ZNF195: variants seen among roughly 807,000 people sequenced by gnomAD.
The protein encoded by ZNF195 is zinc finger protein 195, also known as hypoxia-regulated factor-1.
A neutral mutation model predicts 19.5 loss-of-function variants in ZNF195; 11 were observed. The ratio of observed to expected loss-of-function variants is 0.57; its 90% CI spans 0.36 to 0.94. ZNF195 has a LOEUF of 0.94. Among genes scored for constraint, ZNF195 ranks in the 40% least tolerant of loss-of-function variants. The pLI is 0.01. For missense variants in ZNF195, 582 were observed against 709.0 expected (o/e 0.82, Z 2.03); for synonymous variants, 214 against 248.1 (o/e 0.86, Z 1.29).
chr11:3,372,978 CCCACCTAGG>C (rs1401736955), intron 1 of ZNF195, among the ~76,000 whole-genome samples: 2 of 152,238 alleles, frequency 1.3e-5, no homozygotes, highest in African/African-American at 2.4e-5. Flanking sequence ...AAGCGATCTG[CCCACCTAGG>C]CCTCCCAAAG....
chr11:3,371,270 A>G (rs752779244), intron 2 of ZNF195, 200 bp from the exon 3 acceptor site: 12 of 658,236 alleles, frequency 1.8e-5, no homozygotes, highest in East Asian at 2.8e-5. Context: ...TACTGCTGAC[A>G]TAAAAAATTG....
chr11:3,360,843 C>A, intron 4 of ZNF195, 55 bp from the exon 5 acceptor site: 1 of 1,463,402 alleles, frequency 6.8e-7, no homozygotes, highest in South Asian at 1.2e-5. Flanking sequence ...CTGCAGCCCC[C>A]GCTCCTCCGC....
chr11:3,370,350 A>G (rs940416606), intron 3 of ZNF195, among the ~76,000 whole-genome samples: 13 of 152,220 alleles, frequency 8.5e-5, no homozygotes, highest in African/African-American at 3.1e-4. Flanking sequence ...TAGGGAATAT[A>G]AAGTTTAAAT....
chr11:3,359,710 G>T lies in ZNF195; in HGVS notation c.1298C>A (p.Thr433Asn). Residue 433 changes from threonine to asparagine, a missense_variant, in exon 6 of 6, where the codon ACT becomes AAT. Physicochemically the swap from Thr to Asn is moderately conservative, Grantham distance 65. Around this residue, in one of 3 missense-constraint regions of ZNF195, gnomAD observed 407 missense variants for 530.5 expected, o/e 0.77. Coordinates refer to ENST00000399602, the MANE Select transcript of ZNF195 (RefSeq NM_001130520.3). The surrounding 1 kb of genome is among the most constrained non-coding windows in gnomAD (Gnocchi z 5.5). ...GTCACATTTGTATGGTTTCTCACCA[G>T]TGTGAATTCTCTTATGTTTAGTAAG... ...SDLTKHKRIH[T>N]GEKPYKCDEC... 1 of 1,614,132 alleles carries T rather than the reference G, an allele frequency of 6.2e-7. No individual in the cohort carries two copies. Among genetic ancestry groups the T allele is most frequent in the Non-Finnish European group, 8.5e-7 (1 of 1,179,948 alleles).
chr11:3,375,619 C>G (rs747099324), intron 1 of ZNF195: 4 of 152,150 alleles, frequency 2.6e-5, no homozygotes, highest in African/African-American at 7.2e-5. Context: ...GGAAAAGTTT[C>G]TGGCTTGCGG....
chr11:3,361,714 A>C lies in ZNF195; in HGVS notation c.373+29T>G, dbSNP rs777260930. On this transcript the variant is annotated intron_variant, in intron 4 of 5. Coordinates refer to ENST00000399602, the MANE Select transcript of ZNF195 (RefSeq NM_001130520.3). ...AAGAATCCTGAAAGCAGCAAGTGAAAAGCAAGGTACATGCTCTTAGGAGAT... is the reference window on the plus strand; with the variant it reads ...AAGAATCCTGAAAGCAGCAAGTGAACAGCAAGGTACATGCTCTTAGGAGAT... 7 of 1,299,280 alleles carry C rather than the reference A, an allele frequency of 5.4e-6. No individual in the cohort carries two copies. In the South Asian group the frequency reaches 7.5e-5, roughly 14 times the overall value. 80.5% of individuals were successfully genotyped at this position (1,299,280 alleles called of 1,614,324 possible). A position where few individuals can be genotyped will look rare whatever the true frequency, so the allele number is the denominator to read the frequency against.
intron 1 of ZNF195, among the ~76,000 whole-genome samples, chr11:3,377,439 A>G (rs1359056860): frequency 3.3e-5 from 5 of 152,278 alleles, no homozygotes; most frequent in African/African-American, 1.2e-4. Flanking sequence ...CACGGGGTGG[A>G]GTTTTTCTTG....
In ZNF195 at chr11:3,359,977, T is replaced by A; in HGVS notation, c.1031A>T (p.Glu344Val). 2.5e-6 allele frequency: 4 copies of A among 1,614,164 alleles called. No individual in the cohort carries two copies. In the South Asian group the frequency reaches 4.4e-5, roughly 18 times the overall value. The change falls in exon 6 of 6, where the codon GAA becomes GTA. Residue 344 changes from glutamate (E) to valine (V), a missense_variant. Glu to Val is a moderately radical substitution (Grantham distance 121). Coordinates refer to ENST00000399602, the MANE Select transcript of ZNF195 (RefSeq NM_001130520.3). This position sits in a 1 kb window ranked among gnomAD's most constrained non-coding sequence, Gnocchi z 5.5. Reference sequence around the variant, plus strand: ...TTTTTCCTCAGTACCATGCTCATGTTCAGTAAGGTGGGAGCACTGGTTAAA... The same window carrying A: ...TTTTTCCTCAGTACCATGCTCATGTACAGTAAGGTGGGAGCACTGGTTAAA... ...KVFNQCSHLT[E>V]HEHGTEEKPC...
At chr11:3,364,124 A>C (rs984468452) in intron 3 of ZNF195, among the ~76,000 whole-genome samples, 3 of 152,228 alleles carry the variant, frequency 2.0e-5, no homozygotes, top group Admixed American at 2.0e-4. Context: ...AAAATAAATA[A>C]AAAGATGAGG....
At chr11:3,377,698 C>T (rs1849533902) in intron 1 of ZNF195, 1 of 1,155,252 alleles carries the variant, frequency 8.7e-7, no homozygotes. Context: ...CACTTCATAC[C>T]TCAGGCTGTC....
At position 3,360,193 on chromosome 11, in the gene ZNF195, TG is replaced by T; in HGVS notation, c.814del (p.Gln272LysfsTer103). ...GGTTTTGCCACATTCTCCACATTTTTGGAATTTTTTTCCAGTGTGAATTTTC... is the reference window on the plus strand; with the variant it reads ...GGTTTTGCCACATTCTCCACATTTTTGAATTTTTTTCCAGTGTGAATTTTC... ...HQKIHTGKKFQKCGECGKTFI... is the reference protein window; with the variant it reads ...HQKIHTGKKFXKCGECGKTFI... On this transcript the variant is annotated frameshift_variant, in exon 6 of 6. Transcript: ENST00000399602. LOFTEE classifies it low-confidence loss of function (END_TRUNC). The T allele has an allele frequency of 6.2e-7, 1 of 1,613,996 alleles. No homozygotes were observed. Among genetic ancestry groups the T allele is most frequent in the Non-Finnish European group, 8.5e-7 (1 of 1,179,930 alleles).
In ZNF195 at chr11:3,358,320, A is replaced by C. The variant is rs1268130077; in HGVS notation, c.*798T>G. The stretch of plus-strand genomic sequence containing the variant: ...ACGGTCTGATCAGGGTGACCCTAAC[A>C]GAAGAGTATTATTCTAAACACCTAT... On this transcript the variant is annotated 3_prime_UTR_variant, in exon 6 of 6. Transcript: ENST00000399602. 6.6e-6 allele frequency: 1 copy of C among 152,196 alleles called. No homozygotes were observed. Among genetic ancestry groups the C allele is most frequent in the Non-Finnish European group, 1.5e-5 (1 of 68,038 alleles). The allele number at this position is 152,196 out of a possible 1,614,324, so 9.4% of individuals were successfully genotyped here.
intron 1 of ZNF195, among the ~76,000 whole-genome samples, chr11:3,372,790 G>A (rs1377968614): frequency 6.6e-6 from 1 of 152,258 alleles, no homozygotes; most frequent in Non-Finnish European, 1.5e-5. Flanking sequence ...GGAGTGCAGT[G>A]GCGCGATCTC....
chr11:3,374,070 C>G (rs1849340710), intron 1 of ZNF195, among the ~76,000 whole-genome samples: 1 of 152,316 alleles, frequency 6.6e-6, no homozygotes. Context: ...TGCTTCCACC[C>G]AAACCAATAG....
At chr11:3,377,616 C>T (rs1443440845) in intron 1 of ZNF195, 9 of 1,221,738 alleles carry the variant, frequency 7.4e-6, no homozygotes, top group Non-Finnish European at 7.4e-6. Flanking sequence ...TAAGTGGTTA[C>T]CTCTTTAGAG....
At position 3,361,742 on chromosome 11, in the gene ZNF195, C is replaced by T; in HGVS notation, c.373+1G>A. ...CAAGGTACATGCTCTTAGGAGATTA[C>T]CAGTGAATTTGTCCACAGAAACATT... On this transcript the variant is annotated splice_donor_variant, in intron 4 of 5. Transcript: ENST00000399602. LOFTEE classifies it high-confidence loss of function. 1.5e-6 allele frequency: 2 copies of T among 1,301,086 alleles called. No individual in the cohort carries two copies. Among genetic ancestry groups the T allele is most frequent in the Non-Finnish European group, 1.0e-6 (1 of 986,896 alleles). 80.6% of individuals were successfully genotyped at this position (1,301,086 alleles called of 1,614,324 possible). A position where few individuals can be genotyped will look rare whatever the true frequency, so the allele number is the denominator to read the frequency against.
Position 3,359,453 on chromosome 11 carries a change from C to T in ZNF195, c.1555G>A (p.Glu519Lys). ...CATTCGTCACATTTGTAGGGCTTCT[C>T]TCCAGTATGGGTTTTCTTATGCTTA... is the stretch of plus-strand genomic sequence containing the variant. ...LTKHKKTHTG[E>K]KPYKCDECGK... is the part of the protein sequence containing the mutation. The change falls in exon 6 of 6, where the codon GAG becomes AAG. Residue 519 changes from glutamate to lysine, a missense_variant. Physicochemically the swap from Glu to Lys is moderately conservative, Grantham distance 56. This residue lies in a region of ZNF195 where 407 missense variants were observed against 530.5 expected (regional missense o/e 0.77). Transcript: ENST00000399602. This position sits in a 1 kb window ranked among gnomAD's most constrained non-coding sequence, Gnocchi z 5.5. 1 of 1,614,196 alleles carries T rather than the reference C, an allele frequency of 6.2e-7. No homozygotes were observed.
In ZNF195 at chr11:3,360,555, A is replaced by T; in HGVS notation, c.453T>A (p.Ser151=). Residue 151 remains serine, a synonymous_variant, in exon 6 of 6, where the codon TCT becomes TCA. Coordinates refer to ENST00000399602, the MANE Select transcript of ZNF195 (RefSeq NM_001130520.3). ...CTGGCAGAAGGTCTTGGGTAAAATG[A>T]GAAGACATAGCTGAAAAAAAAAAAA... The part of the protein sequence containing the change: ...FRCIFSLAMS[S]HFTQDLLPEQ... 6.4e-7 allele frequency: 1 copy of T among 1,572,088 alleles called. No individual in the cohort carries two copies. Among genetic ancestry groups the T allele is most frequent in the East Asian group, 2.2e-5 (1 of 44,584 alleles).
rs974052423 is a variant in ZNF195, at chr11:3,359,872, T to C, written c.1136A>G (p.Glu379Gly). Residue 379 changes from glutamate to glycine, a missense_variant, in exon 6 of 6, where the codon GAG (glutamate) becomes GGG (glycine). Glu to Gly is a moderately conservative substitution (Grantham distance 98). Coordinates refer to ENST00000399602, the MANE Select transcript of ZNF195 (RefSeq NM_001130520.3). The surrounding 1 kb of genome is among the most constrained non-coding windows in gnomAD (Gnocchi z 5.5). ...LSNQQMILAG[E>G]KLSKCETWYK... Reference sequence around the variant, plus strand: ...CCATGTTTCACATTTGGAGAGCTTCTCTCCAGCAAGAATCATCTGTTGATT... The same window carrying C: ...CCATGTTTCACATTTGGAGAGCTTCCCTCCAGCAAGAATCATCTGTTGATT... 6.2e-7 allele frequency: 1 copy of C among 1,614,160 alleles called. No individual in the cohort carries two copies. The highest frequency in any genetic ancestry group is 1.1e-5 in the South Asian group (1 of 91,088).
Sources: allele counts gnomAD v4.1 joint callset (sites outside exome capture counted in the v4.1 genomes callset), GRCh38; gene constraint gnomAD v4.1.1; regional missense constraint gnomAD v4.1.1; non-coding constraint Gnocchi (gnomAD v3.1); transcripts MANE v1.5; gene names NCBI Gene and HGNC (gene_info 2026-07-23, HGNC 2026-07-21).